Variants in TEP1 observed in about 807,000 individuals in gnomAD.
TEP1 encodes telomerase associated protein 1.
A neutral mutation model predicts 306.3 loss-of-function variants in TEP1; 241 were observed. The ratio of observed to expected loss-of-function variants is 0.79; its 90% confidence interval spans 0.71 to 0.88. The LOEUF (loss-of-function observed/expected upper bound fraction) is 0.88. TEP1 is among the 40% of genes least tolerant of loss of function. The pLI is 0.00. For missense variants in TEP1, 3,051 were observed against 3,276.1 expected (o/e 0.93, Z 1.68); for synonymous variants, 1,289 against 1,305.5 (o/e 0.99, Z 0.27).
In TEP1 at chr14:20,366,650, A is replaced by G. The variant is rs1713418; in HGVS notation, c.*1787T>C. On this transcript the variant is annotated 3_prime_UTR_variant, in exon 55 of 55. Transcript: ENST00000262715. ...CATGTAAAACCTGGAATCAGGGTACAGTGAGAGTAAAACTCAGTGCCCTTT... is the reference window on the plus strand; with the variant it reads ...CATGTAAAACCTGGAATCAGGGTACGGTGAGAGTAAAACTCAGTGCCCTTT... The G allele has an allele frequency of 0.51, 78,114 of 152,038 alleles. 21,066 individuals carry two copies. The highest frequency in any genetic ancestry group is 0.7 in the African/African-American group (28,923 of 41,478). 9.4% of individuals were successfully genotyped at this position (152,038 alleles called of 1,614,324 possible). A position where few individuals can be genotyped will look rare whatever the true frequency, so the allele number is the denominator to read the frequency against.
Position 20,390,718 on chromosome 14 carries a change from C to T in TEP1, c.2297G>A (p.Gly766Glu), listed in dbSNP as rs754687355. The change falls in exon 15 of 55, where the codon GGG (glycine) becomes GAG (glutamate). Residue 766 changes from glycine (G) to glutamate (E), a missense_variant. Around this residue, in one of 3 missense-constraint regions of TEP1, gnomAD observed 1,507 missense variants for 1,550.5 expected, o/e 0.97. Transcript: ENST00000262715. ...ENDGWSLNTF[G>E]KYLLSLAGQR... ...GCCAGCCAGAGACAGCAGGTATTTC[C>T]CAAAAGTATTCAGGGACCATCCATC... 1 of 1,614,138 alleles carries T rather than the reference C, an allele frequency of 6.2e-7. No individual in the cohort carries two copies. Among genetic ancestry groups the T allele is most frequent in the Non-Finnish European group, 8.5e-7 (1 of 1,180,032 alleles).
chr14:20,372,380 A>ATGTG (rs59329010), intron 49 of TEP1, among the ~76,000 whole-genome samples: 17,375 of 139,468 alleles, frequency 0.12, 1,247 homozygotes, highest in East Asian at 0.21. Flanking sequence ...GTGTGTGTGT[A>ATGTG]TGTGTGTGTG....
chr14:20,395,652 G>A (rs1713417), intron 11 of TEP1, 25 bp from the exon 12 acceptor site: 155,523 of 1,581,298 alleles, frequency 0.098, 10,481 homozygotes, highest in East Asian at 0.3. Context: ...GTAAATTTCC[G>A]AGTTAGGCAG....
At chr14:20,379,560 T>G (rs920520058) in intron 35 of TEP1, among the ~76,000 whole-genome samples, 1 of 152,232 alleles carries the variant, frequency 6.6e-6, no homozygotes, top group African/African-American at 2.4e-5. Flanking sequence ...GTGCCTGCCC[T>G]TCTCTATCCT....
chr14:20,392,527 G>A (rs1260000700), intron 12 of TEP1, among the ~76,000 whole-genome samples: 1 of 152,182 alleles, frequency 6.6e-6, no homozygotes, highest in Admixed American at 6.5e-5. Flanking sequence ...TGAGGAAGGA[G>A]GCAAATCCAG....
chr14:20,400,786 T>C (rs1352309100), intron 9 of TEP1, 198 bp downstream of exon 9: 8 of 618,720 alleles, frequency 1.3e-5, no homozygotes, highest in Non-Finnish European at 2.2e-5. Context: ...GGTATAATGA[T>C]CTATGATGCC....
chr14:20,378,939 G>C (rs946977027), intron 36 of TEP1, 42 bp downstream of exon 36: 25 of 1,613,784 alleles, frequency 1.5e-5, no homozygotes, highest in Non-Finnish European at 1.9e-5. Context: ...CCAAAAAATG[G>C]GGAAGGCCCT....
At position 20,377,503 on chromosome 14, in the gene TEP1, A is replaced by G. The variant is rs1473411543; in HGVS notation, c.5876-11T>C. ...GAGCCCCCTGGGAACCTAGAGAATG[A>G]GAGAGAACAAGGGAGTAAGACACTT... On this transcript the variant is annotated splice_polypyrimidine_tract_variant and intron_variant, in intron 40 of 54. Coordinates refer to ENST00000262715, the MANE Select transcript of TEP1 (RefSeq NM_007110.5). 1 of 1,613,310 alleles carries G rather than the reference A, an allele frequency of 6.2e-7. No homozygotes were observed. Among genetic ancestry groups the G allele is most frequent in the Admixed American group, 1.7e-5 (1 of 59,986 alleles).
At chr14:20,372,318 C>T (rs1333394108) in intron 49 of TEP1, among the ~76,000 whole-genome samples, 2 of 151,896 alleles carry the variant, frequency 1.3e-5, no homozygotes, top group African/African-American at 2.4e-5. Context: ...ACCTTAAATA[C>T]CAACTCCTTC....
rs1484386591 is a variant in TEP1, at chr14:20,384,672, G to T, written c.3149C>A (p.Ser1050Tyr). 1.2e-6 allele frequency: 2 copies of T among 1,613,316 alleles called. No homozygotes were observed. The highest frequency in any genetic ancestry group is 1.7e-6 in the Non-Finnish European group (2 of 1,180,022). ...DAWKSDFVSE[S>Y]EEAARRISEL... ...TGAGATCCGACGTGCGGCCTCTTCA[G>T]ACTCAGAAACAAAGTCAGATTTCCA... The change falls in exon 22 of 55, where the codon TCT (serine) becomes TAT (tyrosine). Residue 1050 changes from serine (S) to tyrosine (Y), a missense_variant. Ser to Tyr is a moderately radical substitution (Grantham distance 144). Around this residue, in one of 3 missense-constraint regions of TEP1, gnomAD observed 1,507 missense variants for 1,550.5 expected, o/e 0.97. Coordinates refer to ENST00000262715, the MANE Select transcript of TEP1 (RefSeq NM_007110.5).
At chr14:20,388,872 G>A (rs572509474) in intron 17 of TEP1, among the ~76,000 whole-genome samples, 13 of 152,270 alleles carry the variant, frequency 8.5e-5, no homozygotes, top group South Asian at 4.1e-4. Context: ...AACTGGAGCC[G>A]GGTGCGGTGG....
intron 37 of TEP1, 109 bp downstream of exon 37, chr14:20,378,645 G>A (rs1885344771): frequency 6.4e-7 from 1 of 1,571,528 alleles, no homozygotes; most frequent in East Asian, 2.2e-5. Context: ...AGCAGGGAAG[G>A]CCTTCTCTGG....
At chr14:20,375,968 G>C in intron 42 of TEP1, 100 bp from the exon 43 acceptor site, 2 of 1,474,534 alleles carry the variant, frequency 1.4e-6, no homozygotes, top group Non-Finnish European at 1.9e-6. Flanking sequence ...AGGGGCACAA[G>C]GAAGCACAGG....
At position 20,378,105 on chromosome 14, in the gene TEP1, G is replaced by A. The variant is rs139519365; in HGVS notation, c.5640C>T (p.Phe1880=). ...AWREGARLAA[F]PAHHGFVAAA... ...CAGCAACAAAGCCATGGTGGGCAGGGAAGGCAGCCAGCCGTGCCCCTTCTC... is the reference window on the plus strand; with the variant it reads ...CAGCAACAAAGCCATGGTGGGCAGGAAAGGCAGCCAGCCGTGCCCCTTCTC... Residue 1880 remains phenylalanine, a synonymous_variant, in exon 39 of 55, where the codon TTC becomes TTT. Coordinates refer to ENST00000262715, the MANE Select transcript of TEP1 (RefSeq NM_007110.5). 3.3e-4 allele frequency: 539 copies of A among 1,613,892 alleles called. 1 individual carries two copies. In the African/African-American group the frequency reaches 6.5e-3, roughly 20 times the overall value.
chr14:20,372,724 C>G lies in TEP1; in HGVS notation c.7076+9G>C, dbSNP rs373397069. 13 of 1,613,954 alleles carry G rather than the reference C, an allele frequency of 8.1e-6. No homozygotes were observed. The highest frequency in any genetic ancestry group is 1.1e-5 in the Non-Finnish European group (13 of 1,180,026). On this transcript the variant is annotated intron_variant, in intron 49 of 54. Transcript: ENST00000262715. Reference sequence around the variant, plus strand: ...GTTTCTATCCCATTAACCCATCAGCCTGTTTCACCTCAAATTTCCGGGTGC... The same window carrying G: ...GTTTCTATCCCATTAACCCATCAGCGTGTTTCACCTCAAATTTCCGGGTGC...
intron 12 of TEP1, among the ~76,000 whole-genome samples, chr14:20,393,557 C>T (rs1416360490): frequency 1.3e-5 from 2 of 152,074 alleles, no homozygotes; most frequent in African/African-American, 4.8e-5. Flanking sequence ...TTTGGGAGGC[C>T]GAGGTAGTTG....
Position 20,373,000 on chromosome 14 carries a change from C to T in TEP1, c.6951+11G>A. The T allele has an allele frequency of 3.1e-6, 5 of 1,614,178 alleles. No homozygotes were observed. Among genetic ancestry groups the T allele is most frequent in the Non-Finnish European group, 4.2e-6 (5 of 1,180,032 alleles). On this transcript the variant is annotated intron_variant, in intron 48 of 54. Coordinates refer to ENST00000262715, the MANE Select transcript of TEP1 (RefSeq NM_007110.5). ...TCACACAGACAAAGAACCAAGGGTA[C>T]ACCGACTCACCTGTGCTGTGGCCAC... is the stretch of plus-strand genomic sequence containing the variant.
In TEP1 at chr14:20,373,527, G is replaced by A. The variant is rs544739210; in HGVS notation, c.6661C>T (p.Arg2221Trp). The A allele has an allele frequency of 3.7e-5, 59 of 1,614,126 alleles. 1 individual carries two copies. The South Asian group carries it at 4.4e-4, about 12-fold the overall frequency. ...CTCACCAAGAGTGGATGCCATAACC[G>A]TGTGGCCCCATCTAGCCCGACGGTT... ...VVTVGLDGAT[R>W]LWHPLLVCQT... is the part of the protein sequence containing the mutation. Residue 2221 changes from arginine to tryptophan, a missense_variant, in exon 46 of 55, where the codon CGG becomes TGG. By Grantham distance (101) the Arg-to-Trp change is moderately radical (BLOSUM62 -3). Coordinates refer to ENST00000262715, the MANE Select transcript of TEP1 (RefSeq NM_007110.5).
In TEP1 at chr14:20,381,495, C is replaced by G; in HGVS notation, c.4558+58G>C. On this transcript the variant is annotated intron_variant, in intron 31 of 54. Transcript: ENST00000262715. The surrounding 1 kb of genome is among the most constrained non-coding windows in gnomAD (Gnocchi z 4.0). The stretch of plus-strand genomic sequence containing the variant: ...GCAGATGGGAGCACAGTGGGTGGTC[C>G]TGGCCTCCAGGCCCAAGCCCCACAC... 1 of 1,612,714 alleles carries G rather than the reference C, an allele frequency of 6.2e-7. No homozygotes were observed.
Sources: allele counts gnomAD v4.1 joint callset (sites outside exome capture counted in the v4.1 genomes callset), GRCh38; gene constraint gnomAD v4.1.1; regional missense constraint gnomAD v4.1.1; non-coding constraint Gnocchi (gnomAD v3.1); transcripts MANE v1.5; gene names NCBI Gene and HGNC (gene_info 2026-07-23, HGNC 2026-07-21).